PDGFRL: variants seen among roughly 807,000 people sequenced by gnomAD.
The protein encoded by PDGFRL is platelet-derived growth factor receptor-like protein.
Under a neutral mutation model 37.2 loss-of-function variants are expected in PDGFRL, and 46 were observed. The ratio of observed to expected loss-of-function variants is 1.24; its 90% CI spans 0.98 to 1.58. PDGFRL has a LOEUF of 1.58. Ranked by LOEUF, PDGFRL falls within the 40% of genes most tolerant of loss-of-function variation. The probability of loss-of-function intolerance (pLI) is 0.00; values close to 1 mark genes in which losing one functional copy is unlikely to be tolerated. For synonymous variants in PDGFRL, 251 were observed against 184.3 expected (o/e 1.36, Z -2.93); for missense variants, 692 against 467.6 (o/e 1.48, Z -4.43).
intron 2 of PDGFRL, among the ~76,000 whole-genome samples, chr8:17,605,553 G>A (rs1585313320): frequency 6.6e-6 from 1 of 152,122 alleles, no homozygotes; most frequent in Admixed American, 6.5e-5. Flanking sequence ...TTGGCACCGC[G>A]CTGAGCCAGG....
intron 5 of PDGFRL, among the ~76,000 whole-genome samples, chr8:17,642,182 A>G (rs1805134223): frequency 6.6e-6 from 1 of 152,114 alleles, no homozygotes; most frequent in Admixed American, 6.5e-5. Context: ...AGTCATTTAT[A>G]CAGTGGGTGC....
chr8:17,591,319 C>G (rs116086868), intron 2 of PDGFRL, among the ~76,000 whole-genome samples: 5,297 of 152,174 alleles, frequency 0.035, 153 homozygotes, highest in Middle Eastern at 0.082. Flanking sequence ...GAGTGGTTAC[C>G]ATGGTGACAG....
At chr8:17,607,539 C>G (rs937582615) in intron 2 of PDGFRL, among the ~76,000 whole-genome samples, 7 of 152,300 alleles carry the variant, frequency 4.6e-5, no homozygotes, top group African/African-American at 1.7e-4. Context: ...TACAGTCAAG[C>G]TAGTGCGTTA....
At position 17,584,334 on chromosome 8, in the gene PDGFRL, C is replaced by G. The variant is rs555604280; in HGVS notation, c.56-5134C>G. On this transcript the variant is annotated intron_variant, in intron 1 of 5. Coordinates refer to ENST00000251630, the MANE Select transcript of PDGFRL (RefSeq NM_001372073.1). ...TTTGGAGATGCTAACTTTGACATGC[C>G]TACTAGTCTTTCAAGTGGCGATGCT... Among the ~76,000 whole-genome samples the G allele has an allele frequency of 2.6e-5, 4 of 152,214 alleles. No homozygotes were observed. In the South Asian group the frequency reaches 6.2e-4, roughly 24 times the overall value.
rs889044291 is a variant in PDGFRL, at chr8:17,621,130, G to A, written c.433G>A (p.Val145Met). Residue 145 changes from valine (V) to methionine (M), a missense_variant, in exon 3 of 6, where the codon GTG becomes ATG. Transcript: ENST00000251630. ...AGACACAGGTGAATTCAGCTGCTGG[G>A]TGCAGCTCTGCAGCGGCTACATCTG... ...SADTGEFSCW[V>M]QLCSGYICRK... 2 of 1,610,388 alleles carry A rather than the reference G, an allele frequency of 1.2e-6. No individual in the cohort carries two copies. Among genetic ancestry groups the A allele is most frequent in the East Asian group, 2.2e-5 (1 of 44,822 alleles).
At chr8:17,582,337 C>A (rs1803724668) in intron 1 of PDGFRL, among the ~76,000 whole-genome samples, 1 of 152,096 alleles carries the variant, frequency 6.6e-6, no homozygotes, top group Non-Finnish European at 1.5e-5. Context: ...CGCCTGTAAT[C>A]CCAGCACTTT....
intron 5 of PDGFRL, among the ~76,000 whole-genome samples, chr8:17,641,896 T>TCCCCCCCCCCCCCC (rs144394170): frequency 9.6e-6 from 1 of 103,888 alleles, no homozygotes; most frequent in Non-Finnish European, 1.8e-5. Flanking sequence ...TCAATAGAGG[T>TCCCCCCCCCCCCCC]CCCCGCCACA....
At chr8:17,621,757 C>G (rs950651345) in intron 3 of PDGFRL, among the ~76,000 whole-genome samples, 4 of 152,162 alleles carry the variant, frequency 2.6e-5, no homozygotes, top group African/African-American at 9.7e-5. Context: ...ACTGTCTTCT[C>G]AGAACCTATG....
chr8:17,585,294 C>G (rs891304367), intron 1 of PDGFRL, among the ~76,000 whole-genome samples: 1 of 152,104 alleles, frequency 6.6e-6, no homozygotes, highest in African/African-American at 2.4e-5. Flanking sequence ...GTGACGAATG[C>G]CTTTACCTCC....
At chr8:17,628,060 C>T (rs543989120) in intron 3 of PDGFRL, among the ~76,000 whole-genome samples, 1 of 129,690 alleles carries the variant, frequency 7.7e-6, no homozygotes, top group Non-Finnish European at 1.5e-5. Flanking sequence ...GTGGCGCTAT[C>T]TCGGCTCACT....
intron 2 of PDGFRL, among the ~76,000 whole-genome samples, chr8:17,606,894 GTTTTTTTTTTT>G (rs1198809504): frequency 3.2e-5 from 4 of 123,690 alleles, no homozygotes; most frequent in African/African-American, 1.2e-4. Flanking sequence ...TTGTTTTTTT[GTTTTTTTTTTT>G]TTTTTTTTGA....
At chr8:17,593,956 T>C (rs1433024902) in intron 2 of PDGFRL, among the ~76,000 whole-genome samples, 2 of 151,952 alleles carry the variant, frequency 1.3e-5, no homozygotes, top group Non-Finnish European at 2.9e-5. Flanking sequence ...TATAGGCACA[T>C]GGTTGTATAA....
intron 2 of PDGFRL, among the ~76,000 whole-genome samples, chr8:17,607,311 A>C (rs1804303515): frequency 6.6e-6 from 1 of 151,918 alleles, no homozygotes. Context: ...AGAGTAGGGG[A>C]AATTGGTTGA....
intron 2 of PDGFRL, among the ~76,000 whole-genome samples, chr8:17,619,035 A>C (rs1804582624): frequency 6.6e-6 from 1 of 152,226 alleles, no homozygotes; most frequent in African/African-American, 2.4e-5. Context: ...GCTATTCCGC[A>C]GTGAACCAGA....
At chr8:17,627,989 CTTTTTTTTTTTT>C (rs35707610) in intron 3 of PDGFRL, among the ~76,000 whole-genome samples, 2 of 89,250 alleles carry the variant, frequency 2.2e-5, no homozygotes, top group South Asian at 4.4e-4. Flanking sequence ...TTCTTTCTTT[CTTTTTTTTTTTT>C]TTTTTTTTTT....
intron 2 of PDGFRL, among the ~76,000 whole-genome samples, chr8:17,601,670 C>T (rs994018246): frequency 4.6e-5 from 7 of 152,066 alleles, no homozygotes; most frequent in African/African-American, 1.2e-4. Context: ...GTCTTTGTGT[C>T]GAGGTGTACT....
intron 2 of PDGFRL, among the ~76,000 whole-genome samples, chr8:17,596,964 G>T (rs1192294214): frequency 2.6e-5 from 4 of 152,176 alleles, no homozygotes; most frequent in African/African-American, 9.7e-5. Context: ...GGCTATGACA[G>T]TGTTGGGTTT....
At chr8:17,635,595 A>C (rs756189134) in intron 5 of PDGFRL, among the ~76,000 whole-genome samples, 1 of 152,128 alleles carries the variant, frequency 6.6e-6, no homozygotes, top group Non-Finnish European at 1.5e-5. Flanking sequence ...CATGTGTTCA[A>C]ATATCTTTTT....
intron 5 of PDGFRL, among the ~76,000 whole-genome samples, chr8:17,640,120 C>T (rs1805060507): frequency 1.3e-5 from 2 of 152,274 alleles, no homozygotes; most frequent in African/African-American, 2.4e-5. Flanking sequence ...TTCTTCATTT[C>T]CAGAAATTAT....
Sources: gnomAD v4.1 joint callset for allele counts (sites outside exome capture counted in the v4.1 genomes callset) on GRCh38, gnomAD v4.1.1 for gene constraint, MANE v1.5 for transcripts, NCBI Gene and HGNC (gene_info 2026-07-23, HGNC 2026-07-21) for gene names.